Variants in UBAP1 observed in about 807,000 individuals in gnomAD.
UBAP1 encodes the protein ubiquitin-associated protein 1.
A neutral mutation model predicts 39.0 loss-of-function variants in UBAP1; 5 were observed. That is an observed-to-expected ratio of 0.13 (90% CI 0.07 to 0.27). The LOEUF is 0.27. UBAP1 is among the 10% of genes least tolerant of loss of function. The pLI, the probability that UBAP1 is intolerant of heterozygous loss-of-function variation, is 1.00. For missense variants in UBAP1, 490 were observed against 608.1 expected (o/e 0.81, Z 2.04); for synonymous variants, 211 against 225.1 (o/e 0.94, Z 0.56).
chr9:34,202,289 G>A (rs1471631885), intron 1 of UBAP1, among the ~76,000 whole-genome samples: 4 of 151,932 alleles, frequency 2.6e-5, no homozygotes, highest in African/African-American at 9.7e-5. Flanking sequence ...GCACCACCAC[G>A]CCCGGCTAAT....
At chr9:34,206,005 CAAAA>C (rs1277357986) in intron 1 of UBAP1, 2 of 152,152 alleles carry the variant, frequency 1.3e-5, no homozygotes. Context: ...AACAAACAAA[CAAAA>C]AACAGTTTGG....
chr9:34,215,695 AAAG>A (rs1339212160), intron 1 of UBAP1, among the ~76,000 whole-genome samples: 3 of 151,982 alleles, frequency 2.0e-5, no homozygotes, highest in Non-Finnish European at 2.9e-5. Flanking sequence ...AATAATAAAA[AAAG>A]GGTTTAAAAA....
At chr9:34,184,588 G>A (rs1470307412) in intron 1 of UBAP1, among the ~76,000 whole-genome samples, 5 of 138,428 alleles carry the variant, frequency 3.6e-5, no homozygotes, top group Admixed American at 3.0e-4. Flanking sequence ...CCAAGATCAC[G>A]CCACTGCACT....
intron 3 of UBAP1, among the ~76,000 whole-genome samples, chr9:34,238,838 T>C (rs1009685239): frequency 6.6e-6 from 1 of 152,208 alleles, no homozygotes; most frequent in African/African-American, 2.4e-5. Context: ...ATTCACTGCT[T>C]TACTGATGCC....
intron 1 of UBAP1, among the ~76,000 whole-genome samples, chr9:34,190,620 C>CCTTT (rs1160426473): frequency 4.7e-5 from 7 of 150,030 alleles, no homozygotes; most frequent in South Asian, 2.1e-4. Flanking sequence ...AATCTTTTTT[C>CCTTT]CTTTCTTTCT....
Position 34,241,354 on chromosome 9 carries a change from C to T in UBAP1, c.329C>T (p.Thr110Ile), listed in dbSNP as rs769383914. The T allele has an allele frequency of 6.5e-7, 1 of 1,539,898 alleles. No homozygotes were observed. Among genetic ancestry groups the T allele is most frequent in the Admixed American group, 2.0e-5 (1 of 48,804 alleles). ...ATGAGCTTCTCCAAGACTCACAGTA[C>T]AGCCACAATGCCACCTCCTATTAAC... is the stretch of plus-strand genomic sequence containing the variant. ...SKMSFSKTHS[T>I]ATMPPPINPI... Residue 110 changes from threonine to isoleucine, a missense_variant, in exon 4 of 7, where the codon ACA becomes ATA. Around this residue, in one of 3 missense-constraint regions of UBAP1, gnomAD observed 144 missense variants for 184.4 expected, o/e 0.78. Transcript: ENST00000297661.
chr9:34,235,331 G>GTGTGTGTA (rs397894315), intron 3 of UBAP1, among the ~76,000 whole-genome samples: 1 of 145,268 alleles, frequency 6.9e-6, no homozygotes, highest in African/African-American at 2.5e-5. Context: ...GTGTGTGTGT[G>GTGTGTGTA]TATATATATA....
intron 2 of UBAP1, among the ~76,000 whole-genome samples, chr9:34,231,040 T>G (rs1833378573): frequency 6.6e-6 from 1 of 151,072 alleles, no homozygotes; most frequent in East Asian, 2.0e-4. Context: ...GGTGGGAGGA[T>G]TATTTGGGAC....
intron 2 of UBAP1, among the ~76,000 whole-genome samples, chr9:34,221,446 CG>C (rs1832753595): frequency 6.6e-6 from 1 of 150,608 alleles, no homozygotes; most frequent in African/African-American, 2.4e-5. Flanking sequence ...AGAAGAATGG[CG>C]TGAACCCGGG....
chr9:34,227,297 G>T (rs1439734987), intron 2 of UBAP1, among the ~76,000 whole-genome samples: 3 of 151,306 alleles, frequency 2.0e-5, no homozygotes, highest in African/African-American at 7.3e-5. Context: ...AGTTTTTTTT[G>T]TTTTATTTAT....
At chr9:34,250,527 T>G in intron 5 of UBAP1, 131 bp from the exon 6 acceptor site, 1 of 618,832 alleles carries the variant, frequency 1.6e-6, no homozygotes. Flanking sequence ...AGGCACAAAA[T>G]CAAATCCTAT....
intron 2 of UBAP1, 73 bp from the exon 3 acceptor site, chr9:34,234,143 T>C: frequency 6.8e-7 from 1 of 1,480,230 alleles, no homozygotes; most frequent in East Asian, 2.3e-5. Flanking sequence ...TGCATATCCG[T>C]TAGACATAAG....
intron 1 of UBAP1, among the ~76,000 whole-genome samples, chr9:34,193,092 A>G (rs1192339324): frequency 6.6e-6 from 1 of 152,022 alleles, no homozygotes; most frequent in African/African-American, 2.4e-5. Flanking sequence ...AGATCACTTG[A>G]GGTCAGGAGT....
intron 3 of UBAP1, among the ~76,000 whole-genome samples, chr9:34,236,368 T>G (rs959282852): frequency 6.6e-6 from 1 of 152,214 alleles, no homozygotes; most frequent in African/African-American, 2.4e-5. Flanking sequence ...TAGGTTTGTG[T>G]AAATACACTC....
chr9:34,181,932 G>A (rs1163452487), intron 1 of UBAP1, among the ~76,000 whole-genome samples: 1 of 149,650 alleles, frequency 6.7e-6, no homozygotes, highest in Non-Finnish European at 1.5e-5. Flanking sequence ...CTGTAGACAA[G>A]TCTCATCAAT....
intron 1 of UBAP1, among the ~76,000 whole-genome samples, chr9:34,185,653 C>G (rs1233353528): frequency 1.3e-5 from 2 of 152,126 alleles, no homozygotes; most frequent in Admixed American, 6.5e-5. Context: ...CAAGACCAGT[C>G]TGGCCAACAC....
chr9:34,217,526 G>A (rs890461873), intron 1 of UBAP1, among the ~76,000 whole-genome samples: 3 of 151,898 alleles, frequency 2.0e-5, no homozygotes, highest in African/African-American at 7.3e-5. Flanking sequence ...GTGAGCCACC[G>A]TGCCTGGCTG....
intron 1 of UBAP1, among the ~76,000 whole-genome samples, chr9:34,190,596 G>A (rs1404988657): frequency 6.8e-6 from 1 of 147,898 alleles, no homozygotes; most frequent in Non-Finnish European, 1.5e-5. Flanking sequence ...GGCAGTTCTT[G>A]TAATTTAATA....
intron 4 of UBAP1, among the ~76,000 whole-genome samples, chr9:34,248,955 C>T (rs1256036542): frequency 6.6e-6 from 1 of 152,188 alleles, no homozygotes; most frequent in African/African-American, 2.4e-5. Context: ...GTGCTGTCTT[C>T]CTGCCTTGGG....
Sources: allele counts gnomAD v4.1 joint callset (sites outside exome capture counted in the v4.1 genomes callset), GRCh38; gene constraint gnomAD v4.1.1; regional missense constraint gnomAD v4.1.1; transcripts MANE v1.5; gene names NCBI Gene and HGNC (gene_info 2026-07-23, HGNC 2026-07-21).